CNTNAP5: variants seen among roughly 807,000 people sequenced by gnomAD.
CNTNAP5 encodes the protein contactin associated protein family member 5.
Under a neutral mutation model 150.2 loss-of-function variants are expected in CNTNAP5, and 72 were observed. That is an observed-to-expected ratio of 0.48 (90% confidence interval 0.40 to 0.58). The LOEUF is 0.58. Among genes scored for constraint, CNTNAP5 ranks in the 20% least tolerant of loss-of-function variants. The pLI, the probability that CNTNAP5 is intolerant of heterozygous loss-of-function variation, is 0.00. For missense variants in CNTNAP5, 1,636 were observed against 1,626.2 expected, an observed-to-expected ratio of 1.01 and a Z score of -0.10; for synonymous variants, 672 against 619.8, an observed-to-expected ratio of 1.08 and a Z score of -1.25.
intron 22 of CNTNAP5, among the ~76,000 whole-genome samples, chr2:124,904,203 T>C (rs1678481388): frequency 1.3e-5 from 2 of 152,086 alleles, no homozygotes; most frequent in Admixed American, 1.3e-4. Context: ...TTTTTTAGAT[T>C]CCACATATAA....
intron 3 of CNTNAP5, among the ~76,000 whole-genome samples, chr2:124,274,089 T>C (rs116429373): frequency 0.028 from 4,244 of 152,304 alleles, 126 homozygotes; most frequent in Non-Finnish European, 0.04. Context: ...CAGATATTAT[T>C]ATTTCAATAT....
At chr2:124,368,375 T>C (rs779981) in intron 3 of CNTNAP5, among the ~76,000 whole-genome samples, 112,765 of 152,048 alleles carry the variant, frequency 0.74, 42,798 homozygotes, top group African/African-American at 0.89. Flanking sequence ...GAGTCAGATA[T>C]TCAGATGTGC....
chr2:124,275,557 T>A (rs1341023115), intron 3 of CNTNAP5, among the ~76,000 whole-genome samples: 1 of 151,910 alleles, frequency 6.6e-6, no homozygotes, highest in African/African-American at 2.4e-5. Context: ...CACCATCTTC[T>A]GGCTGTTGAT....
intron 12 of CNTNAP5, among the ~76,000 whole-genome samples, chr2:124,635,334 A>G (rs1677949963): frequency 6.6e-6 from 1 of 152,134 alleles, no homozygotes; most frequent in Non-Finnish European, 1.5e-5. Context: ...ATAGTGCTAA[A>G]CCATTAGAAA....
chr2:124,851,348 C>T (rs1683151224), intron 19 of CNTNAP5, among the ~76,000 whole-genome samples: 1 of 152,058 alleles, frequency 6.6e-6, no homozygotes, highest in Admixed American at 6.6e-5. Flanking sequence ...AAAAGAGAAA[C>T]TCCATCCAAA....
chr2:124,502,623 T>C (rs149693786), intron 7 of CNTNAP5, among the ~76,000 whole-genome samples: 1 of 152,332 alleles, frequency 6.6e-6, no homozygotes, highest in African/African-American at 2.4e-5. Context: ...TCCTAGCTTC[T>C]CTGCAGAGCA....
intron 17 of CNTNAP5, among the ~76,000 whole-genome samples, chr2:124,775,199 T>C (rs1162771585): frequency 2.6e-5 from 4 of 152,218 alleles, no homozygotes; most frequent in Non-Finnish European, 5.9e-5. Flanking sequence ...AAATGTCAGG[T>C]AGCCAACAAA....
At chr2:124,408,518 A>G (rs890401222) in intron 3 of CNTNAP5, among the ~76,000 whole-genome samples, 3 of 152,028 alleles carry the variant, frequency 2.0e-5, no homozygotes, top group African/African-American at 7.2e-5. Context: ...TGGTTCTCCC[A>G]GCACGCAGCT....
chr2:124,747,592 A>G (rs1485828684), intron 14 of CNTNAP5, among the ~76,000 whole-genome samples: 1 of 148,530 alleles, frequency 6.7e-6, no homozygotes, highest in Non-Finnish European at 1.5e-5. Flanking sequence ...GCATGTGGTC[A>G]TACCATCAGC....
rs1686155314 is a variant in CNTNAP5 at position 124,216,380 on chromosome 2, A to G, written c.83-5325A>G. On this transcript the variant is annotated intron_variant, in intron 1 of 23. Coordinates refer to ENST00000682447, the MANE Select transcript of CNTNAP5 (RefSeq NM_001367498.1). Reference sequence around the variant, plus strand: ...TCAGAGTTTTTTTTTAAGTTTAAAAAATTCTTTTTTTTAAAATTATTATTA... The same window carrying G: ...TCAGAGTTTTTTTTTAAGTTTAAAAGATTCTTTTTTTTAAAATTATTATTA... Among the ~76,000 whole-genome samples, 2 of 152,080 alleles carry G rather than the reference A, an allele frequency of 1.3e-5. 1 individual carries two copies. The highest frequency in any genetic ancestry group is 4.1e-4 in the South Asian group (2 of 4,820).
chr2:124,356,908 T>C (rs2104708644), intron 3 of CNTNAP5, among the ~76,000 whole-genome samples: 1 of 151,938 alleles, frequency 6.6e-6, no homozygotes, highest in South Asian at 2.1e-4. Flanking sequence ...GTTGAACTAG[T>C]TTACAGTCCC....
chr2:124,858,331 T>G (rs1478468363), intron 19 of CNTNAP5, among the ~76,000 whole-genome samples: 2 of 152,196 alleles, frequency 1.3e-5, no homozygotes, highest in Non-Finnish European at 2.9e-5. Context: ...AAAATCTCCT[T>G]AAGCTGATAA....
chr2:124,701,558 G>A (rs1217052452), intron 13 of CNTNAP5, among the ~76,000 whole-genome samples: 2 of 152,048 alleles, frequency 1.3e-5, no homozygotes, highest in Admixed American at 6.6e-5. Context: ...GGGATCACTA[G>A]GTTGTATGGT....
At chr2:124,681,122 T>TA (rs1483494659) in intron 13 of CNTNAP5, among the ~76,000 whole-genome samples, 57 of 149,746 alleles carry the variant, frequency 3.8e-4, no homozygotes, top group South Asian at 4.2e-4. Context: ...TCATCTCTAC[T>TA]AAAAAAAATA....
chr2:124,064,827 G>A (rs1009974864), intron 1 of CNTNAP5, among the ~76,000 whole-genome samples: 4 of 151,928 alleles, frequency 2.6e-5, no homozygotes, highest in Non-Finnish European at 4.4e-5. Context: ...TCCCACCACC[G>A]GGAATGCCAT....
At chr2:124,433,629 T>G (rs1692448048) in intron 4 of CNTNAP5, among the ~76,000 whole-genome samples, 1 of 152,252 alleles carries the variant, frequency 6.6e-6, no homozygotes, top group Non-Finnish European at 1.5e-5. Flanking sequence ...AGTTTCAATT[T>G]GTAATTAAAC....
chr2:124,485,302 T>C (rs141691523), intron 7 of CNTNAP5, among the ~76,000 whole-genome samples: 1 of 152,176 alleles, frequency 6.6e-6, no homozygotes, highest in East Asian at 1.9e-4. Flanking sequence ...CAGGCTGAGA[T>C]TCAGACCTCT....
intron 1 of CNTNAP5, among the ~76,000 whole-genome samples, chr2:124,072,716 C>T (rs577933823): frequency 3.3e-5 from 5 of 151,548 alleles, no homozygotes; most frequent in African/African-American, 1.2e-4. Context: ...AAAAAGAGGA[C>T]ACCAAAAAGT....
At chr2:124,079,278 G>A (rs1682505868) in intron 1 of CNTNAP5, among the ~76,000 whole-genome samples, 1 of 152,172 alleles carries the variant, frequency 6.6e-6, no homozygotes, top group Non-Finnish European at 1.5e-5. Flanking sequence ...TTCAAACTCT[G>A]GTTTTCTGGC....
Sources: gnomAD v4.1 joint callset for allele counts (sites outside exome capture counted in the v4.1 genomes callset) on GRCh38, gnomAD v4.1.1 for gene constraint, MANE v1.5 for transcripts, NCBI Gene and HGNC (gene_info 2026-07-23, HGNC 2026-07-21) for gene names.